The following SUSD6 variants were observed in gnomAD, a reference collection of about 807,000 sequenced individuals.
SUSD6 encodes the protein sushi domain-containing protein 6.
SUSD6 carries 16 observed loss-of-function variants against 28.4 expected under a neutral mutation model. The observed-to-expected ratio is 0.56, with a 90% CI of 0.38 to 0.86. The LOEUF (loss-of-function observed/expected upper bound fraction) is 0.86. Ranked by LOEUF, SUSD6 falls within the 40% of genes least tolerant of loss-of-function variation. The pLI, the probability that SUSD6 is intolerant of heterozygous loss-of-function variation, is 0.00. For synonymous variants in SUSD6, 147 were observed against 159.6 expected (o/e 0.92, Z 0.59); for missense variants, 341 against 384.2 (o/e 0.89, Z 0.94).
Position 69,709,102 on chromosome 14 carries a change from A to G in SUSD6, c.884A>G (p.Asp295Gly), listed in dbSNP as rs1427848876. 6.3e-7 allele frequency: 1 copy of G among 1,575,874 alleles called. No homozygotes were observed. The highest frequency in any genetic ancestry group is 8.6e-7 in the Non-Finnish European group (1 of 1,159,434). ...LLSLTSEEYT[D>G]DIPLLKEA The stretch of plus-strand genomic sequence containing the variant: ...TCCCTCACGTCAGAGGAGTACACAG[A>G]TGGTGAGTGGTCCAAGCTGAACATG... The change falls in exon 5 of 6, where the codon GAT becomes GGT. Residue 295 changes from aspartate (D) to glycine (G), a missense_variant and splice_region_variant. Physicochemically the swap from Asp to Gly is moderately conservative, Grantham distance 94 (BLOSUM62 -1). Coordinates refer to ENST00000342745, the MANE Select transcript of SUSD6 (RefSeq NM_014734.4).
intron 1 of SUSD6, among the ~76,000 whole-genome samples, chr14:69,656,067 C>CT (rs1451658137): frequency 6.6e-6 from 1 of 151,852 alleles, no homozygotes; most frequent in East Asian, 1.9e-4. Context: ...GTATTTGGTG[C>CT]TTCCTTTTTT....
intron 2 of SUSD6, among the ~76,000 whole-genome samples, chr14:69,677,523 G>A (rs1276988630): frequency 1.3e-5 from 2 of 148,358 alleles, no homozygotes; most frequent in Admixed American, 6.8e-5. Context: ...CTCCAGCCTG[G>A]GCCACAGAGT....
intron 4 of SUSD6, among the ~76,000 whole-genome samples, chr14:69,707,842 A>G (rs1176998712): frequency 6.6e-6 from 1 of 152,258 alleles, no homozygotes; most frequent in Non-Finnish European, 1.5e-5. Context: ...CTGTTAAAAT[A>G]AAAAGCAAAG....
At chr14:69,708,062 G>A (rs2139648031) in intron 4 of SUSD6, among the ~76,000 whole-genome samples, 1 of 152,252 alleles carries the variant, frequency 6.6e-6, no homozygotes, top group South Asian at 2.1e-4. Flanking sequence ...TGTGTTCAAA[G>A]TTTTTAAAAA....
At chr14:69,648,891 CCT>C (rs1885464988) in intron 1 of SUSD6, among the ~76,000 whole-genome samples, 1 of 152,046 alleles carries the variant, frequency 6.6e-6, no homozygotes, top group African/African-American at 2.4e-5. Flanking sequence ...TTTTTTCCCT[CCT>C]CTCTCTGCCA....
chr14:69,666,360 C>T (rs1188518579), intron 2 of SUSD6, among the ~76,000 whole-genome samples: 3 of 152,114 alleles, frequency 2.0e-5, no homozygotes, highest in Non-Finnish European at 2.9e-5. Flanking sequence ...AGCTGATATT[C>T]CTCAGGGATG....
chr14:69,635,844 A>T (rs1172250392), intron 1 of SUSD6, among the ~76,000 whole-genome samples: 1 of 152,222 alleles, frequency 6.6e-6, no homozygotes, highest in Admixed American at 6.5e-5. Context: ...GGCCAGGGCC[A>T]GCCTTTGGGG....
At chr14:69,707,010 T>TAA (rs535172609) in intron 4 of SUSD6, among the ~76,000 whole-genome samples, 4 of 137,716 alleles carry the variant, frequency 2.9e-5, no homozygotes, top group African/African-American at 1.1e-4. Context: ...CTGGACTCTT[T>TAA]AAAAAAAAAA....
chr14:69,641,488 AT>A (rs1219033800), intron 1 of SUSD6, among the ~76,000 whole-genome samples: 1 of 151,536 alleles, frequency 6.6e-6, no homozygotes, highest in Non-Finnish European at 1.5e-5. Context: ...CAAATTTACT[AT>A]TTTTTTCTTC....
intron 2 of SUSD6, among the ~76,000 whole-genome samples, chr14:69,699,517 T>G (rs1886282526): frequency 6.6e-6 from 1 of 151,748 alleles, no homozygotes; most frequent in Non-Finnish European, 1.5e-5. Flanking sequence ...TCACATGTTC[T>G]TAGTGTCTTA....
chr14:69,709,419 A>G (rs1886432464), intron 5 of SUSD6, among the ~76,000 whole-genome samples: 1 of 152,130 alleles, frequency 6.6e-6, no homozygotes, highest in Non-Finnish European at 1.5e-5. Flanking sequence ...CTCTTGTTAT[A>G]AATGTTATGT....
At chr14:69,684,838 T>C (rs1886048957) in intron 2 of SUSD6, among the ~76,000 whole-genome samples, 1 of 152,376 alleles carries the variant, frequency 6.6e-6, no homozygotes, top group South Asian at 2.1e-4. Context: ...GCTTGGAGCC[T>C]TGAGTCTTCA....
chr14:69,657,470 TC>T (rs1375773700), intron 1 of SUSD6, among the ~76,000 whole-genome samples: 1 of 150,332 alleles, frequency 6.7e-6, no homozygotes, highest in African/African-American at 2.5e-5. Context: ...AAAAACAAAA[TC>T]AGATCTGGGT....
intron 2 of SUSD6, among the ~76,000 whole-genome samples, chr14:69,669,625 C>A (rs1885800229): frequency 6.6e-6 from 1 of 152,158 alleles, no homozygotes; most frequent in Non-Finnish European, 1.5e-5. Context: ...ACTCCTTCTC[C>A]CCTAAACATC....
chr14:69,701,280 T>G (rs1280230208), intron 2 of SUSD6, among the ~76,000 whole-genome samples: 3 of 151,926 alleles, frequency 2.0e-5, no homozygotes, highest in Non-Finnish European at 4.4e-5. Context: ...TGTGGAGATG[T>G]GGGTTTTATG....
intron 1 of SUSD6, among the ~76,000 whole-genome samples, chr14:69,653,249 C>G (rs1285721619): frequency 6.6e-6 from 1 of 152,134 alleles, no homozygotes; most frequent in Non-Finnish European, 1.5e-5. Flanking sequence ...GGCTGACGGT[C>G]GAGCTGAGGC....
At chr14:69,686,876 C>G (rs1052108280) in intron 2 of SUSD6, among the ~76,000 whole-genome samples, 2 of 152,162 alleles carry the variant, frequency 1.3e-5, no homozygotes, top group African/African-American at 4.8e-5. Flanking sequence ...TTGACCTAGT[C>G]TCTTCATGTA....
chr14:69,646,850 C>T (rs963773482), intron 1 of SUSD6, among the ~76,000 whole-genome samples: 7 of 151,954 alleles, frequency 4.6e-5, no homozygotes, highest in Admixed American at 6.6e-5. Flanking sequence ...TACAGGCACC[C>T]GCCACCATGC....
intron 2 of SUSD6, among the ~76,000 whole-genome samples, chr14:69,701,847 A>G (rs532147730): frequency 6.6e-6 from 1 of 152,316 alleles, no homozygotes; most frequent in South Asian, 2.1e-4. Flanking sequence ...CTAAAAAAAG[A>G]AAAGAAAAAG....
Sources: gnomAD v4.1 joint callset for allele counts (sites outside exome capture counted in the v4.1 genomes callset) on GRCh38, gnomAD v4.1.1 for gene constraint, MANE v1.5 for transcripts, NCBI Gene and HGNC (gene_info 2026-07-23, HGNC 2026-07-21) for gene names.